CYB5D1: variants seen among roughly 807,000 people sequenced by gnomAD.
The protein encoded by CYB5D1 is cytochrome b5 domain containing 1.
CYB5D1 carries 30 observed loss-of-function variants against 24.3 expected under a neutral mutation model. The observed-to-expected ratio is 1.23, with a 90% confidence interval of 0.92 to 1.67. CYB5D1 has a LOEUF of 1.67. Among genes scored for constraint, CYB5D1 ranks in the 40% most tolerant of loss-of-function variants. CYB5D1 has a pLI of 0.00. For synonymous variants in CYB5D1, 128 were observed against 123.2 expected, an observed-to-expected ratio of 1.04 and a Z score of -0.26; for missense variants, 265 against 296.7, an observed-to-expected ratio of 0.89 and a Z score of 0.79.
chr17:7,862,188 C>T lies in CYB5D1; in HGVS notation c.*2576C>T, dbSNP rs1332413550. The T allele has an allele frequency of 1.3e-5, 2 of 152,158 alleles. No individual in the cohort carries two copies. The highest frequency in any genetic ancestry group is 4.8e-5 in the African/African-American group (2 of 41,424). The allele number at this position is 152,158 out of a possible 1,614,324, so 9.4% of individuals were successfully genotyped here. Reference sequence around the variant, plus strand: ...TGGCTGCGCTGCTAGATTGTAAGCTCACGAGGGCAGAGATCTTGTTCACAT... The same window carrying T: ...TGGCTGCGCTGCTAGATTGTAAGCTTACGAGGGCAGAGATCTTGTTCACAT... On this transcript the variant is annotated 3_prime_UTR_variant, in exon 4 of 4. Coordinates refer to ENST00000332439, the MANE Select transcript of CYB5D1 (RefSeq NM_144607.6).
chr17:7,858,380 G>T, intron 1 of CYB5D1, 23 bp from the exon 2 acceptor site: 1 of 1,614,172 alleles, frequency 6.2e-7, no homozygotes. Flanking sequence ...GGCATTGACA[G>T]TGGCTGTGCT....
rs1405350570 is a variant in CYB5D1, at chr17:7,858,034, C to T, written c.-101C>T. 52 of 1,548,590 alleles carry T rather than the reference C, an allele frequency of 3.4e-5. No homozygotes were observed. Among genetic ancestry groups the T allele is most frequent in the Non-Finnish European group, 3.4e-5 (39 of 1,151,636 alleles). On this transcript the variant is annotated 5_prime_UTR_variant, in exon 1 of 4. Coordinates refer to ENST00000332439, the MANE Select transcript of CYB5D1 (RefSeq NM_144607.6). ...TTCCATGTCAGCGGATAAACGCTCT[C>T]CCCTCGGCTCCCGGACGCGACGGAG... is the stretch of plus-strand genomic sequence containing the variant.
At position 7,858,975 on chromosome 17, in the gene CYB5D1, G is replaced by A. The variant is rs964920906; in HGVS notation, c.456+151G>A. The A allele has an allele frequency of 4.5e-5, 31 of 687,820 alleles. No individual in the cohort carries two copies. The African/African-American group carries it at 5.2e-4, about 12-fold the overall frequency. 42.6% of individuals were successfully genotyped at this position (687,820 alleles called of 1,614,324 possible). A position where few individuals can be genotyped will look rare whatever the true frequency, so the allele number is the denominator to read the frequency against. On this transcript the variant is annotated intron_variant, in intron 3 of 3. Transcript: ENST00000332439. ...GCAACTGAGGAAAGCACAGCACCTA[G>A]GTCCCCAGGGTTGGGAATTCTAGGA...
chr17:7,858,880 C>A (rs1429330366), intron 3 of CYB5D1, 56 bp downstream of exon 3: 5 of 1,438,438 alleles, frequency 3.5e-6, no homozygotes, highest in Non-Finnish European at 4.6e-6. Flanking sequence ...CAGCAAATCT[C>A]CAGGCCGATC....
intron 3 of CYB5D1, 48 bp from the exon 4 acceptor site, chr17:7,859,334 T>G: frequency 6.7e-7 from 1 of 1,489,000 alleles, no homozygotes. Flanking sequence ...TGTGTATATG[T>G]ATACTCCATC....
Position 7,859,566 on chromosome 17 carries a change from C to T in CYB5D1, c.641C>T (p.Thr214Ile). Residue 214 changes from threonine to isoleucine, a missense_variant, in exon 4 of 4, where the codon ACA becomes ATA. By Grantham distance (89) the Thr-to-Ile change is moderately conservative (BLOSUM62 -1). Coordinates refer to ENST00000332439, the MANE Select transcript of CYB5D1 (RefSeq NM_144607.6). The part of the protein sequence containing the change: ...DYLSMDGTLH[T>I]PAILLYFNDD... Reference sequence around the variant, plus strand: ...CTCAGTATGGACGGTACACTTCACACACCTGCAATACTTCTGTACTTCAAT... The same window carrying T: ...CTCAGTATGGACGGTACACTTCACATACCTGCAATACTTCTGTACTTCAAT... 4.3e-6 allele frequency: 7 copies of T among 1,614,210 alleles called. No homozygotes were observed. Among genetic ancestry groups the T allele is most frequent in the Non-Finnish European group, 5.9e-6 (7 of 1,180,046 alleles).
chr17:7,860,054 A>AGTGT lies in CYB5D1; in HGVS notation c.*443_*446dup, dbSNP rs993929217. On this transcript the variant is annotated 3_prime_UTR_variant, in exon 4 of 4. Coordinates refer to ENST00000332439, the MANE Select transcript of CYB5D1 (RefSeq NM_144607.6). ...AGCTGGCTTATCTTACTTGTAGAAG[A>AGTGT]GTGTTTGGCAGCTGAAACCCAAGGG... 1 of 181,220 alleles carries AGTGT rather than the reference A, an allele frequency of 5.5e-6. No individual in the cohort carries two copies. Among genetic ancestry groups the AGTGT allele is most frequent in the Non-Finnish European group, 1.2e-5 (1 of 85,224 alleles). 11.2% of individuals were successfully genotyped at this position (181,220 alleles called of 1,614,324 possible).
In CYB5D1 at chr17:7,858,610, G is replaced by A; in HGVS notation, c.242G>A (p.Arg81His). The part of the protein sequence containing the change: ...HWFDPKTRDI[R>H]KHIDPLTGCL... Reference sequence around the variant, plus strand: ...GCCCCAAACCCTCCTTTAAAGATCCGCAAGCACATAGATCCGCTGACCGGC... The same window carrying A: ...GCCCCAAACCCTCCTTTAAAGATCCACAAGCACATAGATCCGCTGACCGGC... The change falls in exon 3 of 4, where the codon CGC becomes CAC. Residue 81 changes from arginine (R) to histidine (H), a missense_variant. By Grantham distance (29) the Arg-to-His change is conservative. Transcript: ENST00000332439. The A allele has an allele frequency of 1.2e-6, 2 of 1,605,160 alleles. No homozygotes were observed. Among genetic ancestry groups the A allele is most frequent in the Non-Finnish European group, 1.7e-6 (2 of 1,173,958 alleles).
chr17:7,858,558 G>A (rs375634748), intron 2 of CYB5D1, 48 bp from the exon 3 acceptor site: 2 of 1,612,234 alleles, frequency 1.2e-6, no homozygotes, highest in African/African-American at 2.7e-5. Context: ...AGGCTAGCCA[G>A]AGCCTAATGG....
rs956221523 is a variant in CYB5D1, at chr17:7,860,482, T to C, written c.*870T>C. On this transcript the variant is annotated 3_prime_UTR_variant, in exon 4 of 4. Coordinates refer to ENST00000332439, the MANE Select transcript of CYB5D1 (RefSeq NM_144607.6). ...TGTTACAGATAAGTCCTTCGAAACT[T>C]TGGAAAGTTTAATAGCTCAAAGCCA... 6.6e-6 allele frequency: 1 copy of C among 152,064 alleles called. No individual in the cohort carries two copies. The highest frequency in any genetic ancestry group is 2.4e-5 in the African/African-American group (1 of 41,390). 9.4% of individuals were successfully genotyped at this position (152,064 alleles called of 1,614,324 possible).
chr17:7,859,798 G>A lies in CYB5D1; in HGVS notation c.*186G>A, dbSNP rs2078869571. On this transcript the variant is annotated 3_prime_UTR_variant, in exon 4 of 4. Transcript: ENST00000332439. The stretch of plus-strand genomic sequence containing the variant: ...CTGCCTTCATTACAGTTTGCTCTGA[G>A]AAAATTAGTGAATTAATCTTTGGGA... 1 of 589,876 alleles carries A rather than the reference G, an allele frequency of 1.7e-6. No individual in the cohort carries two copies. Among genetic ancestry groups the A allele is most frequent in the Non-Finnish European group, 3.0e-6 (1 of 330,984 alleles). The allele number at this position is 589,876 out of a possible 1,614,324, so 36.5% of individuals were successfully genotyped here. A position where few individuals can be genotyped will look rare whatever the true frequency, so the allele number is the denominator to read the frequency against.
chr17:7,858,406 ACCT>A lies in CYB5D1; in HGVS notation c.165_167del (p.Asn55_Leu56delinsLys). ...TGGCTGTGCTGCTCTTTTCAAGGGA[ACCT>A]GCTGCTGAAACCCATCGTGGAAGTT... On this transcript the variant is annotated inframe_deletion, in exon 2 of 4. Coordinates refer to ENST00000332439, the MANE Select transcript of CYB5D1 (RefSeq NM_144607.6). 6.2e-7 allele frequency: 1 copy of A among 1,614,028 alleles called. No individual in the cohort carries two copies. Among genetic ancestry groups the A allele is most frequent in the Non-Finnish European group, 8.5e-7 (1 of 1,180,018 alleles).
At position 7,859,745 on chromosome 17, in the gene CYB5D1, C is replaced by T; in HGVS notation, c.*133C>T. The T allele has an allele frequency of 2.7e-6, 2 of 753,086 alleles. No individual in the cohort carries two copies. Among genetic ancestry groups the T allele is most frequent in the East Asian group, 2.6e-5 (1 of 39,148 alleles). 46.7% of individuals were successfully genotyped at this position (753,086 alleles called of 1,614,324 possible). A position where few individuals can be genotyped will look rare whatever the true frequency, so the allele number is the denominator to read the frequency against. On this transcript the variant is annotated 3_prime_UTR_variant, in exon 4 of 4. Coordinates refer to ENST00000332439, the MANE Select transcript of CYB5D1 (RefSeq NM_144607.6). ...ACTCCTCTCCAGGAGCTAGCCTGTG[C>T]CCTTCTGAAGTGTAAAGGCCCTATT... is the stretch of plus-strand genomic sequence containing the variant.
At chr17:7,859,184 G>T in intron 3 of CYB5D1, 198 bp from the exon 4 acceptor site, 1 of 605,004 alleles carries the variant, frequency 1.7e-6, no homozygotes, top group Non-Finnish European at 2.9e-6. Context: ...ATGGCCATCC[G>T]GTAGTTAGAA....
At position 7,858,167 on chromosome 17, in the gene CYB5D1, CTT is replaced by C. The variant is rs2078847995; in HGVS notation, c.34_35del (p.Leu12GlyfsTer17). ...PRRGLVAGPD[L>X]EYFQRRYFTP... ...GCCGGGGCCTGGTGGCTGGGCCAGA[CTT>C]GGAGTATTTTCAGCGTCGCTATTTC... On this transcript the variant is annotated frameshift_variant, in exon 1 of 4. Transcript: ENST00000332439. LOFTEE classifies it high-confidence loss of function. The C allele has an allele frequency of 1.7e-5, 27 of 1,613,792 alleles. No homozygotes were observed. Among genetic ancestry groups the C allele is most frequent in the Non-Finnish European group, 2.2e-5 (26 of 1,179,980 alleles).
rs2078847373 is a variant in CYB5D1 at position 7,858,138 on chromosome 17, C to T, written c.4C>T (p.Pro2Ser). The T allele has an allele frequency of 1.9e-6, 3 of 1,613,348 alleles. No homozygotes were observed. In the East Asian group the frequency reaches 6.7e-5, roughly 36 times the overall value. ...AGTGACCGACAGAGCAAGAGCCATG[C>T]CGCGCCGGGGCCTGGTGGCTGGGCC... is the stretch of plus-strand genomic sequence containing the variant. Reference protein sequence around the residue: MPRRGLVAGPDL... With the variant: MSRRGLVAGPDL... The change falls in exon 1 of 4, where the codon CCG (proline) becomes TCG (serine). Residue 2 changes from proline to serine, a missense_variant. Pro to Ser is a moderately conservative substitution (Grantham distance 74). Coordinates refer to ENST00000332439, the MANE Select transcript of CYB5D1 (RefSeq NM_144607.6).
At chr17:7,859,134 C>A (rs1302967852) in intron 3 of CYB5D1, 10 of 588,896 alleles carry the variant, frequency 1.7e-5, no homozygotes, top group Non-Finnish European at 3.0e-6. Flanking sequence ...TTTTAATCTA[C>A]TCTGTTGCAT....
Position 7,859,854 on chromosome 17 carries a change from A to G in CYB5D1, c.*242A>G. On this transcript the variant is annotated 3_prime_UTR_variant, in exon 4 of 4. Coordinates refer to ENST00000332439, the MANE Select transcript of CYB5D1 (RefSeq NM_144607.6). ...ACAAGAAGATCAAGTACCTTGGTTT[A>G]GGGAGATGTAGAAGAGGATAGTCAG... The G allele has an allele frequency of 1.9e-6, 1 of 514,580 alleles. No individual in the cohort carries two copies. The highest frequency in any genetic ancestry group is 3.5e-6 in the Non-Finnish European group (1 of 285,012). The allele number at this position is 514,580 out of a possible 1,614,324, so 31.9% of individuals were successfully genotyped here.
rs914640062 is a variant in CYB5D1 at position 7,860,524 on chromosome 17, C to T, written c.*912C>T. Reference sequence around the variant, plus strand: ...TCAAAGCCACACTAGGTAGTAACCACTAGAGCCAGAATGCAAATTCAAGTC... The same window carrying T: ...TCAAAGCCACACTAGGTAGTAACCATTAGAGCCAGAATGCAAATTCAAGTC... On this transcript the variant is annotated 3_prime_UTR_variant, in exon 4 of 4. Coordinates refer to ENST00000332439, the MANE Select transcript of CYB5D1 (RefSeq NM_144607.6). The T allele has an allele frequency of 6.6e-6, 1 of 152,212 alleles. No individual in the cohort carries two copies. The highest frequency in any genetic ancestry group is 1.5e-5 in the Non-Finnish European group (1 of 68,046). 9.4% of individuals were successfully genotyped at this position (152,212 alleles called of 1,614,324 possible). A position where few individuals can be genotyped will look rare whatever the true frequency, so the allele number is the denominator to read the frequency against.
Sources: gnomAD v4.1 joint callset for allele counts on GRCh38, gnomAD v4.1.1 for gene constraint, MANE v1.5 for transcripts, NCBI Gene and HGNC (gene_info 2026-07-23, HGNC 2026-07-21) for gene names.